The following MYO9B variants were observed in gnomAD, a reference collection of about 807,000 sequenced individuals.
The protein encoded by MYO9B is unconventional myosin-IXb.
MYO9B carries 71 observed loss-of-function variants against 229.5 expected under a neutral mutation model. That is an observed-to-expected ratio of 0.31 (90% CI 0.26 to 0.38). MYO9B has a LOEUF of 0.38. Ranked by LOEUF, MYO9B falls within the 10% of genes least tolerant of loss-of-function variation. The pLI is 1.00. For synonymous variants in MYO9B, 1,185 were observed against 1,235.8 expected, an observed-to-expected ratio of 0.96 and a Z score of 0.86; for missense variants, 2,255 against 2,920.5, an observed-to-expected ratio of 0.77 and a Z score of 5.25.
chr19:17,179,364 T>G (rs1443525400), intron 14 of MYO9B, among the ~76,000 whole-genome samples: 1 of 151,140 alleles, frequency 6.6e-6, no homozygotes, highest in Non-Finnish European at 1.5e-5. Flanking sequence ...GAGAGACTAA[T>G]TTGCTCCTCC....
chr19:17,156,497 A>G (rs756616491), intron 6 of MYO9B, among the ~76,000 whole-genome samples: 1 of 152,140 alleles, frequency 6.6e-6, no homozygotes, highest in Non-Finnish European at 1.5e-5. Context: ...AGACAGGAGG[A>G]TCACTTGAGG....
intron 1 of MYO9B, among the ~76,000 whole-genome samples, chr19:17,083,359 C>T (rs140023172): frequency 2.1e-4 from 32 of 152,154 alleles, no homozygotes; most frequent in African/African-American, 6.5e-4. Flanking sequence ...AGCATATCTT[C>T]TCAGCTGCAG....
chr19:17,150,430 A>G (rs10424129), intron 3 of MYO9B, among the ~76,000 whole-genome samples: 111,563 of 151,490 alleles, frequency 0.74, 41,803 homozygotes, highest in African/African-American at 0.87. Flanking sequence ...AAAGACTGCT[A>G]TGCTGGAGAG....
intron 11 of MYO9B, among the ~76,000 whole-genome samples, chr19:17,168,563 C>T (rs542981756): frequency 6.6e-6 from 1 of 152,346 alleles, no homozygotes; most frequent in South Asian, 2.1e-4. Flanking sequence ...AACATCAACA[C>T]GTGTGATTAA....
At chr19:17,166,706 A>G (rs1477512510) in intron 10 of MYO9B, among the ~76,000 whole-genome samples, 1 of 151,960 alleles carries the variant, frequency 6.6e-6, no homozygotes, top group African/African-American at 2.4e-5. Context: ...CTATGTGTCC[A>G]TGTGTTCTCA....
In MYO9B at chr19:17,212,644, A is replaced by G. The variant is rs981420918; in HGVS notation, c.*334A>G. The G allele has an allele frequency of 9.7e-6, 3 of 310,206 alleles. No individual in the cohort carries two copies. The highest frequency in any genetic ancestry group is 1.8e-5 in the Non-Finnish European group (3 of 169,520). The allele number at this position is 310,206 out of a possible 1,614,324, so 19.2% of individuals were successfully genotyped here. A position where few individuals can be genotyped will look rare whatever the true frequency, so the allele number is the denominator to read the frequency against. ...GTAACTTTAAACTGTAACAGCCTTA[A>G]TGGAAGACCAAATGGTTTTTTATAT... On this transcript the variant is annotated 3_prime_UTR_variant, in exon 40 of 40. Transcript: ENST00000682292. This position sits in a 1 kb window ranked among gnomAD's most constrained non-coding sequence, Gnocchi z 5.4.
intron 2 of MYO9B, among the ~76,000 whole-genome samples, chr19:17,116,413 A>G (rs868248384): frequency 2.0e-5 from 3 of 152,202 alleles, no homozygotes; most frequent in Admixed American, 6.5e-5. Flanking sequence ...AAGTGTGACT[A>G]GGAGCTCAGA....
intron 1 of MYO9B, among the ~76,000 whole-genome samples, chr19:17,084,321 G>A (rs1223647009): frequency 6.6e-6 from 1 of 151,322 alleles, no homozygotes; most frequent in Non-Finnish European, 1.5e-5. Flanking sequence ...CTGGGTGACA[G>A]AGTGAGACTC....
intron 6 of MYO9B, among the ~76,000 whole-genome samples, chr19:17,155,013 T>A (rs1031407105): frequency 6.6e-6 from 1 of 151,820 alleles, no homozygotes; most frequent in African/African-American, 2.4e-5. Flanking sequence ...ACACATGTAA[T>A]CACAGTGCTT....
intron 1 of MYO9B, among the ~76,000 whole-genome samples, chr19:17,095,230 CAAAA>C (rs555897080): frequency 3.2e-4 from 49 of 151,228 alleles, no homozygotes; most frequent in Admixed American, 7.2e-4. Flanking sequence ...GACTGTGTCT[CAAAA>C]AAGAAAAAAA....
At chr19:17,114,524 G>A (rs1326656861) in intron 2 of MYO9B, among the ~76,000 whole-genome samples, 1 of 152,192 alleles carries the variant, frequency 6.6e-6, no homozygotes, top group African/African-American at 2.4e-5. Context: ...CAGGTGCACT[G>A]AGTGACGTCT....
At chr19:17,206,982 C>G in intron 34 of MYO9B, 131 bp from the exon 35 acceptor site, 1 of 1,373,060 alleles carries the variant, frequency 7.3e-7, no homozygotes, top group Non-Finnish European at 1.0e-6. Context: ...GCTGCGGAAG[C>G]ATCTCCCAGT....
intron 15 of MYO9B, 119 bp downstream of exon 15, chr19:17,181,159 T>C (rs1022583603): frequency 3.2e-6 from 2 of 630,210 alleles, no homozygotes; most frequent in Non-Finnish European, 2.8e-6. Context: ...CACAGTGCTG[T>C]CTCATGGCCC....
At chr19:17,203,614 A>G (rs1258747516) in intron 30 of MYO9B, among the ~76,000 whole-genome samples, 1 of 38,422 alleles carries the variant, frequency 2.6e-5, no homozygotes, top group Non-Finnish European at 4.2e-5. Flanking sequence ...CTCTGTCTCA[A>G]AAAAAAAAAA....
At position 17,140,284 on chromosome 19, in the gene MYO9B, C is replaced by T. The variant is rs1285391619; in HGVS notation, c.841-5113C>T. Among the ~76,000 whole-genome samples the T allele has an allele frequency of 3.9e-5, 6 of 152,264 alleles. No individual in the cohort carries two copies. In the East Asian group the frequency reaches 1.2e-3, roughly 29 times the overall value. The stretch of plus-strand genomic sequence containing the variant: ...GAAAGTGAGAAGTTCAAGGTCAAGG[C>T]TCTGGCAGATTTGGTGTCAGGTGAA... On this transcript the variant is annotated intron_variant, in intron 2 of 39. Transcript: ENST00000682292.
At chr19:17,209,462 C>A in intron 35 of MYO9B, 124 bp from the exon 36 acceptor site, 1 of 1,019,562 alleles carries the variant, frequency 9.8e-7, no homozygotes, top group Non-Finnish European at 1.4e-6. Context: ...CAGCCGTGTC[C>A]CAGGCACTGC....
At chr19:17,203,058 C>T (rs752580075) in intron 29 of MYO9B, 89 bp from the exon 30 acceptor site, 102 of 1,375,360 alleles carry the variant, frequency 7.4e-5, no homozygotes, top group Non-Finnish European at 9.9e-5. Flanking sequence ...AATAAGTCAC[C>T]CCTGAGATCC....
chr19:17,147,718 T>C (rs549967051), intron 3 of MYO9B, among the ~76,000 whole-genome samples: 2 of 125,532 alleles, frequency 1.6e-5, no homozygotes, highest in East Asian at 2.7e-4. Flanking sequence ...AGAGTTTCGC[T>C]CTTATTGCCC....
chr19:17,211,458 C>G (rs2073227979), intron 38 of MYO9B, among the ~76,000 whole-genome samples, 189 bp from the exon 39 acceptor site: 1 of 151,992 alleles, frequency 6.6e-6, no homozygotes. Flanking sequence ...TTACTTTTTG[C>G]AGAACAGGGT....
Sources: allele counts gnomAD v4.1 joint callset (sites outside exome capture counted in the v4.1 genomes callset), GRCh38; gene constraint gnomAD v4.1.1; non-coding constraint Gnocchi (gnomAD v3.1); transcripts MANE v1.5; gene names NCBI Gene and HGNC (gene_info 2026-07-23, HGNC 2026-07-21).